Variants in ATP10B observed in about 807,000 individuals in gnomAD.
The protein encoded by ATP10B is phospholipid-transporting ATPase VB.
A neutral mutation model predicts 141.2 loss-of-function variants in ATP10B; 122 were observed. The ratio of observed to expected loss-of-function variants is 0.86; its 90% CI spans 0.75 to 1.00. ATP10B has a LOEUF of 1.00. ATP10B is among the 50% of genes least tolerant of loss of function. ATP10B has a pLI of 0.00. For missense variants in ATP10B, 1,876 were observed against 1,825.3 expected (o/e 1.03, Z -0.51); for synonymous variants, 685 against 692.0 (o/e 0.99, Z 0.16).
intron 1 of ATP10B, among the ~76,000 whole-genome samples, chr5:160,838,647 A>T (rs1355549819): frequency 6.6e-6 from 1 of 152,178 alleles, no homozygotes; most frequent in African/African-American, 2.4e-5. Context: ...ACATACTTTG[A>T]GAAAAAAAAG....
At chr5:160,643,934 T>C (rs73306641) in intron 9 of ATP10B, among the ~76,000 whole-genome samples, 1,952 of 152,302 alleles carry the variant, frequency 0.013, 45 homozygotes, top group African/African-American at 0.044. Context: ...TGGGTGATAT[T>C]AACTTGGAAT....
chr5:160,715,688 CTTTATTTA>C (rs68128776), intron 3 of ATP10B, among the ~76,000 whole-genome samples: 132 of 141,720 alleles, frequency 9.3e-4, no homozygotes, highest in East Asian at 1.7e-3. Flanking sequence ...ATTTAGCTTG[CTTTATTTA>C]TTTATTTATT....
At chr5:160,671,876 C>T (rs1472235230) in intron 6 of ATP10B, among the ~76,000 whole-genome samples, 1 of 151,896 alleles carries the variant, frequency 6.6e-6, no homozygotes, top group African/African-American at 2.4e-5. Flanking sequence ...CACCAAAACC[C>T]ACAGTTTTTG....
chr5:160,924,350 T>C, the ATP10B span, among the ~76,000 whole-genome samples: 1 of 152,226 alleles, frequency 6.6e-6, no homozygotes, highest in African/African-American at 2.4e-5. Flanking sequence ...TCCTTAAGTT[T>C]CAGTTTCCTC....
At position 160,843,169 on chromosome 5, in the gene ATP10B, C is replaced by T. The variant is rs370205651; in HGVS notation, c.-576+8772G>A. On this transcript the variant is annotated intron_variant, in intron 1 of 25. Transcript: ENST00000327245. Reference sequence around the variant, plus strand: ...GGCTGGCTTCATGTTAGAAAAGCAACTAATATATTTCAACATAAAGAGGTT... The same window carrying T: ...GGCTGGCTTCATGTTAGAAAAGCAATTAATATATTTCAACATAAAGAGGTT... Among the ~76,000 whole-genome samples, 14 of 152,080 alleles carry T rather than the reference C, an allele frequency of 9.2e-5. No homozygotes were observed. The South Asian group carries it at 2.9e-3, about 32-fold the overall frequency.
intron 5 of ATP10B, 74 bp from the exon 6 acceptor site, chr5:160,686,347 C>T (rs1763750965): frequency 1.7e-6 from 2 of 1,185,620 alleles, no homozygotes; most frequent in South Asian, 4.0e-5. Context: ...TTCTTCCCTA[C>T]TGTTTGGCCT....
intron 6 of ATP10B, among the ~76,000 whole-genome samples, chr5:160,683,370 G>GTTC (rs1763551529): frequency 6.6e-6 from 1 of 152,176 alleles, no homozygotes; most frequent in Non-Finnish European, 1.5e-5. Context: ...TCTTGCAGGG[G>GTTC]TTCTTGGATG....
intron 3 of ATP10B, among the ~76,000 whole-genome samples, chr5:160,709,582 T>C (rs1387795862): frequency 6.7e-6 from 1 of 149,306 alleles, no homozygotes; most frequent in Non-Finnish European, 1.5e-5. Context: ...CAATGGATAC[T>C]TTCATAAACA....
intron 15 of ATP10B, among the ~76,000 whole-genome samples, chr5:160,619,447 C>T (rs939148389): frequency 6.6e-6 from 1 of 152,152 alleles, no homozygotes; most frequent in African/African-American, 2.4e-5. Flanking sequence ...CCGTGGCTCC[C>T]TTGACTCAGA....
At chr5:160,585,149 C>T (rs1020901271) in intron 24 of ATP10B, among the ~76,000 whole-genome samples, 1 of 152,172 alleles carries the variant, frequency 6.6e-6, no homozygotes, top group Non-Finnish European at 1.5e-5. Flanking sequence ...TTGTTCTAGC[C>T]ACCATTTCCT....
intron 22 of ATP10B, among the ~76,000 whole-genome samples, chr5:160,598,033 C>CCCATCA (rs372572006): frequency 1.1e-5 from 1 of 93,060 alleles, no homozygotes. Context: ...ACCCAGCCAT[C>CCCATCA]CTGGGTATAT....
chr5:160,705,186 G>C (rs1430505318), intron 3 of ATP10B, among the ~76,000 whole-genome samples: 1 of 151,982 alleles, frequency 6.6e-6, no homozygotes, highest in East Asian at 1.9e-4. Context: ...CCAAAGTGCT[G>C]GGATTACAGG....
At chr5:160,817,646 T>C (rs534575277) in intron 1 of ATP10B, among the ~76,000 whole-genome samples, 3 of 152,168 alleles carry the variant, frequency 2.0e-5, no homozygotes, top group African/African-American at 7.2e-5. Context: ...TGGCAAAAAC[T>C]ACTTTAAAGT....
intron 7 of ATP10B, among the ~76,000 whole-genome samples, chr5:160,653,232 TGTAGTATATATACATAC>T (rs1347675861): frequency 3.1e-5 from 4 of 130,988 alleles, no homozygotes; most frequent in African/African-American, 6.2e-5. Context: ...CATACAAATA[TGTAGTATATATACATAC>T]GTAGTATATA....
the ATP10B span, among the ~76,000 whole-genome samples, chr5:160,909,645 A>G: frequency 1.3e-5 from 2 of 152,196 alleles, no homozygotes; most frequent in African/African-American, 2.4e-5. Context: ...TCTTGTTTCT[A>G]TTTTTACAAT....
chr5:160,887,490 C>T, the ATP10B span, among the ~76,000 whole-genome samples: 1 of 152,078 alleles, frequency 6.6e-6, no homozygotes, highest in African/African-American at 2.4e-5. Flanking sequence ...ATGACTAAAA[C>T]ACAAGTGAGA....
At chr5:160,640,095 C>T (rs1446715643) in intron 10 of ATP10B, among the ~76,000 whole-genome samples, 3 of 152,240 alleles carry the variant, frequency 2.0e-5, no homozygotes, top group Non-Finnish European at 4.4e-5. Context: ...TTTTGAACTT[C>T]TGATCTCCAG....
intron 1 of ATP10B, among the ~76,000 whole-genome samples, chr5:160,786,451 A>T (rs1771151667): frequency 6.6e-6 from 1 of 152,178 alleles, no homozygotes; most frequent in Admixed American, 6.6e-5. Context: ...ATCCTCACCA[A>T]TATAGAAAAC....
chr5:160,611,808 C>G (rs962365031), intron 18 of ATP10B: 5 of 152,158 alleles, frequency 3.3e-5, no homozygotes, highest in Non-Finnish European at 7.3e-5. Context: ...TGTAGGTGCC[C>G]TACGGGCCCT....
Sources: allele counts gnomAD v4.1 joint callset (sites outside exome capture counted in the v4.1 genomes callset), GRCh38; gene constraint gnomAD v4.1.1; transcripts MANE v1.5; gene names NCBI Gene and HGNC (gene_info 2026-07-23, HGNC 2026-07-21).